The following ITPKB variants were observed in gnomAD, a reference collection of about 807,000 sequenced individuals.
The protein encoded by ITPKB is IP3 3-kinase B.
A neutral mutation model predicts 69.4 loss-of-function variants in ITPKB; 13 were observed. The observed-to-expected ratio is 0.19, with a 90% CI of 0.12 to 0.30. The LOEUF (loss-of-function observed/expected upper bound fraction) is 0.30, where lower values mean the gene tolerates loss of function less well. ITPKB is among the 10% of genes least tolerant of loss of function. ITPKB has a pLI of 1.00. For missense variants in ITPKB, 1,240 were observed against 1,250.5 expected (o/e 0.99, Z 0.13); for synonymous variants, 584 against 513.7 (o/e 1.14, Z -1.85).
rs184915864 is a variant in ITPKB at position 226,732,527 on chromosome 1, C to T, written c.1932+3000G>A. Among the ~76,000 whole-genome samples, 90 of 151,348 alleles carry T rather than the reference C, an allele frequency of 5.9e-4. 1 individual carries two copies. The East Asian group carries it at 0.015, about 24-fold the overall frequency. On this transcript the variant is annotated intron_variant, in intron 2 of 7. Transcript: ENST00000429204. ...TGCTGGGATTACAGGCATGAGCCAC[C>T]GTGCCCAGCGTTCTTTTGTTTTTTT...
intron 2 of ITPKB, among the ~76,000 whole-genome samples, chr1:226,698,600 G>T (rs987724981): frequency 2.6e-5 from 4 of 152,236 alleles, no homozygotes; most frequent in Admixed American, 1.3e-4. Context: ...GAGAAAAATG[G>T]AAGACTCTTT....
At chr1:226,726,706 A>G (rs1657430953) in intron 2 of ITPKB, among the ~76,000 whole-genome samples, 2 of 152,048 alleles carry the variant, frequency 1.3e-5, no homozygotes, top group Non-Finnish European at 2.9e-5. Context: ...TTTGTAAAAG[A>G]AAAAGCGTTC....
Position 226,735,690 on chromosome 1 carries a change from C to T in ITPKB, c.1769G>A (p.Arg590Gln), listed in dbSNP as rs774932416. 33 of 1,601,068 alleles carry T rather than the reference C, an allele frequency of 2.1e-5. No homozygotes were observed. The highest frequency in any genetic ancestry group is 1.7e-4 in the Middle Eastern group (1 of 6,008). ...CAGTTTCCTCAGGGGCAGGTTGCCC[C>T]GAGGGCTTCCCTGCGTCTCCTCCAA... ...GALEETQGSP[R>Q]GNLPLRKLSS... is the part of the protein sequence containing the mutation. Residue 590 changes from arginine (R) to glutamine (Q), a missense_variant, in exon 2 of 8, where the codon CGG becomes CAG. This residue lies in a region of ITPKB where 992 missense variants were observed against 853.8 expected (regional missense o/e 1.16). Transcript: ENST00000429204.
intron 4 of ITPKB, among the ~76,000 whole-genome samples, chr1:226,645,919 C>T (rs187448454): frequency 4.7e-4 from 71 of 152,254 alleles, no homozygotes; most frequent in Non-Finnish European, 7.4e-4. Context: ...GAGAACACAA[C>T]AGTCAGTGGC....
intron 2 of ITPKB, among the ~76,000 whole-genome samples, chr1:226,701,332 C>T (rs919796469): frequency 2.6e-5 from 4 of 152,124 alleles, no homozygotes; most frequent in Non-Finnish European, 4.4e-5. Context: ...TGGCCGGGCG[C>T]GGTGGCTCAC....
chr1:226,642,445 C>G lies in ITPKB; in HGVS notation c.2247-320G>C, dbSNP rs1413528968. ...TTGGCCTCCCAAAGTGCTGGGATTA[C>G]AGGTGTGCACCACCACCCAGCCTGG... On this transcript the variant is annotated intron_variant, in intron 4 of 7. Transcript: ENST00000429204. This position sits in a 1 kb window ranked among gnomAD's most constrained non-coding sequence, Gnocchi z 6.4. Among the ~76,000 whole-genome samples the G allele has an allele frequency of 6.6e-6, 1 of 152,104 alleles. No individual in the cohort carries two copies. Among genetic ancestry groups the G allele is most frequent in the Non-Finnish European group, 1.5e-5 (1 of 68,024 alleles).
intron 2 of ITPKB, among the ~76,000 whole-genome samples, chr1:226,663,813 C>T (rs1278794196): frequency 1.3e-5 from 2 of 152,174 alleles, no homozygotes; most frequent in Admixed American, 6.5e-5. Flanking sequence ...GGATTACAGG[C>T]GTGAGCCACC....
At chr1:226,724,115 G>C (rs1657334099) in intron 2 of ITPKB, among the ~76,000 whole-genome samples, 1 of 151,576 alleles carries the variant, frequency 6.6e-6, no homozygotes, top group Non-Finnish European at 1.5e-5. Flanking sequence ...AGCACCCCCT[G>C]AGAGAGGCTC....
At chr1:226,723,597 A>C (rs1657311052) in intron 2 of ITPKB, among the ~76,000 whole-genome samples, 1 of 151,956 alleles carries the variant, frequency 6.6e-6, no homozygotes, top group Non-Finnish European at 1.5e-5. Context: ...AGAGAGATAT[A>C]TATGTATATA....
At chr1:226,652,063 C>T (rs1034802581) in intron 2 of ITPKB, among the ~76,000 whole-genome samples, 3 of 152,238 alleles carry the variant, frequency 2.0e-5, no homozygotes, top group African/African-American at 7.2e-5. Context: ...AGCAGCAGCA[C>T]ACAGGGTTTC....
chr1:226,691,538 C>T (rs1656352965), intron 2 of ITPKB, among the ~76,000 whole-genome samples: 1 of 152,150 alleles, frequency 6.6e-6, no homozygotes, highest in African/African-American at 2.4e-5. Context: ...AATGAGCAGC[C>T]GCATCCCCTC....
intron 2 of ITPKB, among the ~76,000 whole-genome samples, chr1:226,653,304 G>A (rs1024295912): frequency 5.2e-4 from 79 of 152,198 alleles, no homozygotes; most frequent in Non-Finnish European, 9.7e-4. Context: ...GCCCACCTCC[G>A]AGTGCCCCTT....
At chr1:226,644,421 G>A (rs1669024753) in intron 4 of ITPKB, among the ~76,000 whole-genome samples, 1 of 152,222 alleles carries the variant, frequency 6.6e-6, no homozygotes, top group African/African-American at 2.4e-5. Context: ...AGACAGGCCA[G>A]CCCAGGGAGC....
chr1:226,682,923 G>A (rs1656121917), intron 2 of ITPKB, among the ~76,000 whole-genome samples: 1 of 152,128 alleles, frequency 6.6e-6, no homozygotes, highest in Non-Finnish European at 1.5e-5. Flanking sequence ...ATTTGGCCAC[G>A]TTCTACCTAC....
rs1348136260 is a variant in ITPKB, at chr1:226,738,639, A to C, written c.-206+402T>G. 6.6e-6 allele frequency among the ~76,000 whole-genome samples: 1 copy of C among 152,174 alleles called. No individual in the cohort carries two copies. Among genetic ancestry groups the C allele is most frequent in the Non-Finnish European group, 1.5e-5 (1 of 68,010 alleles). ...AGCCGGGCAGCAGCCCTAGGTGCAC[A>C]GAGCCTCTAGCTCTGCAAACCTCCC... On this transcript the variant is annotated intron_variant, in intron 1 of 7. Coordinates refer to ENST00000429204, the MANE Select transcript of ITPKB (RefSeq NM_002221.4). The surrounding 1 kb of genome is among the most constrained non-coding windows in gnomAD (Gnocchi z 4.2).
intron 2 of ITPKB, among the ~76,000 whole-genome samples, chr1:226,723,148 T>G (rs919005418): frequency 2.6e-4 from 39 of 152,176 alleles, no homozygotes; most frequent in African/African-American, 9.4e-4. Flanking sequence ...AGTGAGCTGG[T>G]GTGCTCGGGG....
intron 2 of ITPKB, among the ~76,000 whole-genome samples, chr1:226,680,552 G>T (rs1397538932): frequency 6.6e-6 from 1 of 152,236 alleles, no homozygotes; most frequent in South Asian, 2.1e-4. Flanking sequence ...AGTTATCCAC[G>T]ATTCTTATGA....
chr1:226,707,978 T>C (rs1166604749), intron 2 of ITPKB: 1 of 1,062,492 alleles, frequency 9.4e-7, no homozygotes, highest in East Asian at 5.4e-5. Flanking sequence ...TGGCAATAAC[T>C]GCAACAAAAT....
In ITPKB at chr1:226,632,726, T is replaced by C. The variant is rs1668752005; in HGVS notation, c.*1945A>G. 6.6e-6 allele frequency: 1 copy of C among 152,652 alleles called. No individual in the cohort carries two copies. Among genetic ancestry groups the C allele is most frequent in the African/African-American group, 2.4e-5 (1 of 41,464 alleles). 9.5% of individuals were successfully genotyped at this position (152,652 alleles called of 1,614,324 possible). A position where few individuals can be genotyped will look rare whatever the true frequency, so the allele number is the denominator to read the frequency against. ...TGCCTAAAGTGCTTGGAACATTTTG[T>C]TCTCTTAAACAGGTCCCCTGTAATT... On this transcript the variant is annotated 3_prime_UTR_variant, in exon 8 of 8. Coordinates refer to ENST00000429204, the MANE Select transcript of ITPKB (RefSeq NM_002221.4).
Sources: gnomAD v4.1 joint callset for allele counts (sites outside exome capture counted in the v4.1 genomes callset) on GRCh38, gnomAD v4.1.1 for gene constraint, gnomAD v4.1.1 regional missense constraint, Gnocchi (gnomAD v3.1) non-coding constraint, MANE v1.5 for transcripts, NCBI Gene and HGNC (gene_info 2026-07-23, HGNC 2026-07-21) for gene names.